Variants in CSGALNACT1 observed in about 807,000 individuals in gnomAD.
CSGALNACT1 encodes the protein chondroitin sulfate N-acetylgalactosaminyltransferase 1.
Under a neutral mutation model 51.0 loss-of-function variants are expected in CSGALNACT1, and 52 were observed. That is an observed-to-expected ratio of 1.02 (90% confidence interval 0.82 to 1.29). CSGALNACT1 has a LOEUF of 1.29. CSGALNACT1 is among the 50% of genes most tolerant of loss of function. CSGALNACT1 has a pLI of 0.00. For missense variants in CSGALNACT1, 935 were observed against 679.2 expected, an observed-to-expected ratio of 1.38 and a Z score of -4.19; for synonymous variants, 341 against 254.4, an observed-to-expected ratio of 1.34 and a Z score of -3.24.
At chr8:19,638,986 T>C (rs1057502028) in intron 1 of CSGALNACT1, among the ~76,000 whole-genome samples, 2 of 152,120 alleles carry the variant, frequency 1.3e-5, no homozygotes, top group Non-Finnish European at 2.9e-5. Flanking sequence ...CTGTGTTCTT[T>C]TTCTGTTTTT....
At chr8:19,715,470 T>C (rs2062752564) in intron 1 of CSGALNACT1, among the ~76,000 whole-genome samples, 2 of 152,238 alleles carry the variant, frequency 1.3e-5, no homozygotes, top group Admixed American at 6.5e-5. Context: ...CATTCCTTTT[T>C]ATGGCTGCAT....
At chr8:19,656,486 A>C (rs745953430) in intron 1 of CSGALNACT1, among the ~76,000 whole-genome samples, 1 of 152,062 alleles carries the variant, frequency 6.6e-6, no homozygotes, top group Non-Finnish European at 1.5e-5. Flanking sequence ...CTTGACCTCA[A>C]AGAGGCCCCA....
chr8:19,663,216 C>A (rs137931224), intron 1 of CSGALNACT1, among the ~76,000 whole-genome samples: 1 of 152,094 alleles, frequency 6.6e-6, no homozygotes, highest in Non-Finnish European at 1.5e-5. Flanking sequence ...GATAACTACA[C>A]TTGTGAAGAT....
chr8:19,581,874 G>A (rs1342437946), intron 3 of CSGALNACT1, among the ~76,000 whole-genome samples: 4 of 152,134 alleles, frequency 2.6e-5, no homozygotes, highest in Non-Finnish European at 5.9e-5. Context: ...TTTAAATGGT[G>A]AGCTCACTAT....
At chr8:19,592,910 C>G (rs1359765642) in intron 2 of CSGALNACT1, among the ~76,000 whole-genome samples, 1 of 152,186 alleles carries the variant, frequency 6.6e-6, no homozygotes, top group Non-Finnish European at 1.5e-5. Flanking sequence ...TACAGTGGTT[C>G]AAATTACAAT....
At chr8:19,499,176 C>T (rs763029506) in intron 4 of CSGALNACT1, among the ~76,000 whole-genome samples, 3 of 152,228 alleles carry the variant, frequency 2.0e-5, no homozygotes, top group South Asian at 2.1e-4. Context: ...ATCCTCTGAC[C>T]GACCCATATC....
In CSGALNACT1 at chr8:19,581,708, C is replaced by T. The variant is rs936829553; in HGVS notation, c.-297+9452G>A. ...ACTCCTAGAATGAACATGTAAAATA[C>T]ATCAGCTACAGAGTATCAGCAACAT... On this transcript the variant is annotated intron_variant, in intron 3 of 9. Transcript: ENST00000454498. Among the ~76,000 whole-genome samples, 6 of 152,182 alleles carry T rather than the reference C, an allele frequency of 3.9e-5. No individual in the cohort carries two copies. In the East Asian group the frequency reaches 9.6e-4, roughly 24 times the overall value.
chr8:19,559,194 T>C (rs941973786), intron 3 of CSGALNACT1, among the ~76,000 whole-genome samples: 22 of 152,182 alleles, frequency 1.4e-4, no homozygotes, highest in African/African-American at 5.1e-4. Context: ...CCCACAATTT[T>C]AGCAAACCAA....
intron 3 of CSGALNACT1, among the ~76,000 whole-genome samples, chr8:19,544,861 A>G (rs948791119): frequency 3.3e-5 from 5 of 152,216 alleles, no homozygotes; most frequent in African/African-American, 1.2e-4. Context: ...GAGATATAAA[A>G]AAAGTTCCCC....
intron 1 of CSGALNACT1, among the ~76,000 whole-genome samples, chr8:19,610,540 G>A (rs1287691745): frequency 6.6e-6 from 1 of 152,062 alleles, no homozygotes; most frequent in Non-Finnish European, 1.5e-5. Flanking sequence ...CATCGGTGGA[G>A]GAACACACAG....
At chr8:19,491,474 T>A (rs1563704544) in intron 4 of CSGALNACT1, among the ~76,000 whole-genome samples, 1 of 152,228 alleles carries the variant, frequency 6.6e-6, no homozygotes, top group Non-Finnish European at 1.5e-5. Flanking sequence ...CTCTTAATAC[T>A]AAATATAAAT....
chr8:19,546,318 C>T (rs760509056), intron 3 of CSGALNACT1, among the ~76,000 whole-genome samples: 9 of 152,082 alleles, frequency 5.9e-5, no homozygotes, highest in Non-Finnish European at 1.0e-4. Flanking sequence ...TTCAATATTA[C>T]GGCTTTTATT....
intron 8 of CSGALNACT1, among the ~76,000 whole-genome samples, chr8:19,411,321 T>A (rs1177290305): frequency 6.6e-6 from 1 of 152,234 alleles, no homozygotes; most frequent in Admixed American, 6.5e-5. Context: ...CTTCTCTGTT[T>A]GCTGACTGTC....
At chr8:19,681,715 C>T (rs1564417156) in intron 1 of CSGALNACT1, among the ~76,000 whole-genome samples, 1 of 152,224 alleles carries the variant, frequency 6.6e-6, no homozygotes, top group Non-Finnish European at 1.5e-5. Flanking sequence ...CACTTGCTCC[C>T]TCAACTCCTC....
chr8:19,635,069 G>T (rs1041700670), intron 1 of CSGALNACT1, among the ~76,000 whole-genome samples: 1 of 152,232 alleles, frequency 6.6e-6, no homozygotes. Context: ...AAATGATTGT[G>T]TAATTAAGTG....
chr8:19,646,683 T>C (rs887032810), intron 1 of CSGALNACT1, among the ~76,000 whole-genome samples: 3 of 152,184 alleles, frequency 2.0e-5, no homozygotes, highest in African/African-American at 7.2e-5. Flanking sequence ...CACATGTTAT[T>C]AATACTTAAA....
rs185308616 is a variant in CSGALNACT1, at chr8:19,595,098, A to G, written c.-415-3820T>C. Among the ~76,000 whole-genome samples the G allele has an allele frequency of 1.4e-3, 207 of 152,246 alleles. 1 individual carries two copies. Among genetic ancestry groups the G allele is most frequent in the African/African-American group, 4.7e-3 (194 of 41,570 alleles). The stretch of plus-strand genomic sequence containing the variant: ...TTTCCTGCTTAAGTAAGCCTCATTG[A>G]TTTCTGTTTCTTGTACCTAAGAATC... On this transcript the variant is annotated intron_variant, in intron 2 of 9. Transcript: ENST00000454498.
At chr8:19,676,716 G>C (rs902296552) in intron 1 of CSGALNACT1, among the ~76,000 whole-genome samples, 3 of 152,168 alleles carry the variant, frequency 2.0e-5, no homozygotes, top group Non-Finnish European at 4.4e-5. Flanking sequence ...GGAGGAAAAA[G>C]CCTCGGGAGC....
At chr8:19,525,110 T>C (rs974857681) in intron 3 of CSGALNACT1, among the ~76,000 whole-genome samples, 1 of 152,230 alleles carries the variant, frequency 6.6e-6, no homozygotes, top group African/African-American at 2.4e-5. Flanking sequence ...CCCTTCAGTA[T>C]GGAAACTTTG....
Sources: gnomAD v4.1 joint callset for allele counts (sites outside exome capture counted in the v4.1 genomes callset) on GRCh38, gnomAD v4.1.1 for gene constraint, MANE v1.5 for transcripts, NCBI Gene and HGNC (gene_info 2026-07-23, HGNC 2026-07-21) for gene names.